RANBP9: variants seen among roughly 807,000 people sequenced by gnomAD.
RANBP9 encodes the protein ran-binding protein 9.
In RANBP9, 15 loss-of-function variants were observed where a neutral mutation model predicts 84.3. That is an observed-to-expected ratio of 0.18 (90% CI 0.12 to 0.27). The LOEUF is 0.27. Ranked by LOEUF, RANBP9 falls within the 10% of genes least tolerant of loss-of-function variation. RANBP9 has a pLI of 1.00. For missense variants in RANBP9, 809 were observed against 912.8 expected (o/e 0.89, Z 1.46); for synonymous variants, 392 against 349.6 (o/e 1.12, Z -1.35).
intron 2 of RANBP9, among the ~76,000 whole-genome samples, chr6:13,680,757 GAA>G (rs35137292): frequency 8.6e-5 from 11 of 127,994 alleles, no homozygotes; most frequent in South Asian, 2.5e-4. Context: ...GTCTGTCTCG[GAA>G]AAAAAAAAAA....
intron 2 of RANBP9, among the ~76,000 whole-genome samples, chr6:13,669,480 A>G (rs1584933257): frequency 6.6e-6 from 1 of 152,220 alleles, no homozygotes; most frequent in African/African-American, 2.4e-5. Flanking sequence ...AAAACTCAAT[A>G]AAAAGCTACA....
chr6:13,670,373 T>C (rs1046436128), intron 2 of RANBP9, among the ~76,000 whole-genome samples: 4 of 152,168 alleles, frequency 2.6e-5, no homozygotes, highest in Non-Finnish European at 4.4e-5. Context: ...CAAAATGGAT[T>C]AGAGAGCTAA....
intron 12 of RANBP9, among the ~76,000 whole-genome samples, chr6:13,630,812 T>C (rs1562296596): frequency 6.6e-6 from 1 of 151,896 alleles, no homozygotes. Flanking sequence ...TACAAAAAAA[T>C]ATAAAGCAAT....
At chr6:13,644,246 T>A (rs563273765) in intron 6 of RANBP9, among the ~76,000 whole-genome samples, 1 of 152,284 alleles carries the variant, frequency 6.6e-6, no homozygotes, top group South Asian at 2.1e-4. Context: ...AATCATTAAA[T>A]CCTATTACTA....
intron 2 of RANBP9, among the ~76,000 whole-genome samples, chr6:13,693,423 A>G (rs1216634069): frequency 6.6e-6 from 1 of 152,200 alleles, no homozygotes; most frequent in Admixed American, 6.5e-5. Context: ...GCTAAGATCA[A>G]CAGGAACTCT....
intron 13 of RANBP9, 152 bp from the exon 14 acceptor site, chr6:13,622,644 A>G: frequency 2.5e-6 from 2 of 800,986 alleles, no homozygotes; most frequent in Non-Finnish European, 3.6e-6. Flanking sequence ...CAAAAGACAG[A>G]TGCCGCCTTG....
intron 2 of RANBP9, among the ~76,000 whole-genome samples, chr6:13,693,442 G>C (rs369500404): frequency 6.6e-6 from 1 of 152,130 alleles, no homozygotes; most frequent in Non-Finnish European, 1.5e-5. Context: ...CTCATACACT[G>C]CTGGTAGAAA....
chr6:13,669,947 G>GT (rs573406280), intron 2 of RANBP9, among the ~76,000 whole-genome samples: 1,885 of 145,604 alleles, frequency 0.013, 35 homozygotes, highest in African/African-American at 0.041. Context: ...GAAAGAACTG[G>GT]TTTTTTTTTT....
chr6:13,708,994 T>C (rs1159237818), intron 1 of RANBP9, among the ~76,000 whole-genome samples: 2 of 152,158 alleles, frequency 1.3e-5, no homozygotes, highest in Non-Finnish European at 2.9e-5. Flanking sequence ...TAATGATTTA[T>C]GTTTATAAAA....
At chr6:13,623,454 A>T (rs1764514870) in intron 13 of RANBP9, among the ~76,000 whole-genome samples, 1 of 152,214 alleles carries the variant, frequency 6.6e-6, no homozygotes, top group African/African-American at 2.4e-5. Flanking sequence ...ATCAGAAAGA[A>T]GCAAATTCAG....
intron 2 of RANBP9, among the ~76,000 whole-genome samples, chr6:13,659,857 A>G (rs1319173807): frequency 1.3e-5 from 2 of 152,242 alleles, no homozygotes; most frequent in Non-Finnish European, 2.9e-5. Flanking sequence ...AGAGATGCCT[A>G]TAATTGTTAA....
chr6:13,648,728 TA>T (rs1449748955), intron 5 of RANBP9, among the ~76,000 whole-genome samples: 1 of 152,190 alleles, frequency 6.6e-6, no homozygotes, highest in Non-Finnish European at 1.5e-5. Flanking sequence ...AAAATGACTA[TA>T]CAAATAATGT....
intron 10 of RANBP9, among the ~76,000 whole-genome samples, chr6:13,636,711 T>C (rs76243851): frequency 0.033 from 4,968 of 152,344 alleles, 118 homozygotes; most frequent in South Asian, 0.076. Context: ...ACCTCTGCTG[T>C]GAAAGACGAT....
At chr6:13,640,820 G>A (rs1765047151) in intron 8 of RANBP9, among the ~76,000 whole-genome samples, 2 of 152,168 alleles carry the variant, frequency 1.3e-5, no homozygotes, top group East Asian at 3.9e-4. Flanking sequence ...GGTGGTGATG[G>A]TTGCACAATG....
intron 2 of RANBP9, among the ~76,000 whole-genome samples, chr6:13,696,552 C>A (rs1365622734): frequency 6.6e-6 from 1 of 152,112 alleles, no homozygotes; most frequent in African/African-American, 2.4e-5. Flanking sequence ...ATTCCAAATT[C>A]TCCATTTTAA....
chr6:13,703,199 A>C (rs1012900005), intron 1 of RANBP9, among the ~76,000 whole-genome samples: 1 of 152,148 alleles, frequency 6.6e-6, no homozygotes, highest in African/African-American at 2.4e-5. Flanking sequence ...CTGTGACACC[A>C]ATCTCCTTGA....
intron 2 of RANBP9, among the ~76,000 whole-genome samples, chr6:13,687,877 G>A (rs890741484): frequency 1.3e-5 from 2 of 152,108 alleles, no homozygotes; most frequent in Non-Finnish European, 2.9e-5. Context: ...AAGATAAAAG[G>A]TAACACCCAT....
At chr6:13,655,032 A>G (rs547116403) in intron 4 of RANBP9, among the ~76,000 whole-genome samples, 1 of 152,390 alleles carries the variant, frequency 6.6e-6, no homozygotes, top group African/African-American at 2.4e-5. Context: ...AGTAATTTAC[A>G]TATGGTTACC....
At chr6:13,689,695 G>C (rs1182654767) in intron 2 of RANBP9, among the ~76,000 whole-genome samples, 1 of 152,090 alleles carries the variant, frequency 6.6e-6, no homozygotes, top group East Asian at 1.9e-4. Context: ...ATTTACCATA[G>C]TCTGGAATGT....
Sources: allele counts gnomAD v4.1 joint callset (sites outside exome capture counted in the v4.1 genomes callset), GRCh38; gene constraint gnomAD v4.1.1; transcripts MANE v1.5; gene names NCBI Gene and HGNC (gene_info 2026-07-23, HGNC 2026-07-21).